Variants in MERTK observed in about 807,000 individuals in gnomAD.
The protein encoded by MERTK is MER proto-oncogene, tyrosine kinase, also known as tyrosine-protein kinase Mer.
Under a neutral mutation model 99.3 loss-of-function variants are expected in MERTK, and 69 were observed. The ratio of observed to expected loss-of-function variants is 0.70; its 90% CI spans 0.57 to 0.85. The LOEUF (loss-of-function observed/expected upper bound fraction) is 0.85. MERTK is among the 40% of genes least tolerant of loss of function. The pLI, the probability that MERTK is intolerant of heterozygous loss-of-function variation, is 0.00. For synonymous variants in MERTK, 426 were observed against 467.6 expected (o/e 0.91, Z 1.15); for missense variants, 1,125 against 1,249.4 (o/e 0.90, Z 1.50).
chr2:112,008,633 A>G, intron 14 of MERTK, 158 bp downstream of exon 14: 2 of 739,630 alleles, frequency 2.7e-6, no homozygotes, highest in Non-Finnish European at 2.5e-6. Flanking sequence ...CTTCATAATG[A>G]TGTTTTCTGA....
At chr2:112,023,378 C>T (rs368314434) in intron 18 of MERTK, among the ~76,000 whole-genome samples, 1 of 152,036 alleles carries the variant, frequency 6.6e-6, no homozygotes, top group South Asian at 2.1e-4. Flanking sequence ...CGTGCCACTG[C>T]ACTCCAGCCT....
In MERTK at chr2:111,947,457, T is replaced by C; in HGVS notation, c.647T>C (p.Leu216Pro). 6.2e-7 allele frequency: 1 copy of C among 1,614,100 alleles called. No individual in the cohort carries two copies. The highest frequency in any genetic ancestry group is 8.5e-7 in the Non-Finnish European group (1 of 1,180,026). Reference protein sequence around the residue: ...MNVTRNTAFNLTCQAVGPPEP... With the variant: ...MNVTRNTAFNPTCQAVGPPEP... ...GTCACCAGAAACACAGCCTTCAACC[T>C]CACCTGTCAGGCTGTGGGCCCGCCT... is the stretch of plus-strand genomic sequence containing the variant. Residue 216 changes from leucine (L) to proline (P), a missense_variant, in exon 4 of 19, where the codon CTC (leucine) becomes CCC (proline). By Grantham distance (98) the Leu-to-Pro change is moderately conservative (BLOSUM62 -3). Coordinates refer to ENST00000295408, the MANE Select transcript of MERTK (RefSeq NM_006343.3).
At chr2:111,956,947 CT>C (rs71385850) in intron 4 of MERTK, among the ~76,000 whole-genome samples, 237 of 137,052 alleles carry the variant, frequency 1.7e-3, no homozygotes, top group Middle Eastern at 7.7e-3. Context: ...TTTCTTTTTT[CT>C]TTTTTTTTTT....
intron 1 of MERTK, among the ~76,000 whole-genome samples, chr2:111,917,308 T>C (rs1240784853): frequency 2.0e-5 from 3 of 152,208 alleles, no homozygotes; most frequent in Admixed American, 2.0e-4. Flanking sequence ...CTTGTAGTAC[T>C]TCTCTATAGC....
At chr2:111,937,195 C>A (rs34067354) in intron 2 of MERTK, among the ~76,000 whole-genome samples, 79,456 of 151,658 alleles carry the variant, frequency 0.52, 20,969 homozygotes, top group Middle Eastern at 0.56. Context: ...CTGTAATCCC[C>A]GCACTTTGGG....
intron 1 of MERTK, chr2:111,913,045 C>G (rs745417858): frequency 1.0e-4 from 101 of 985,140 alleles, no homozygotes; most frequent in Admixed American, 8.0e-4. Context: ...AAAGGCCTGG[C>G]GAAAGGTGAA....
At chr2:111,940,670 A>C in intron 2 of MERTK, 1 of 724,406 alleles carries the variant, frequency 1.4e-6, no homozygotes, top group South Asian at 1.3e-5. Flanking sequence ...TTTACGTCCA[A>C]ATTTATCAAT....
Position 112,001,205 on chromosome 2 carries a change from G to A in MERTK, c.1609G>A (p.Ala537Thr). ...TCTTTGTTTTCATTCACCCAGGAAT[G>A]CATTCACAGAGGAGGATTCTGAATT... is the stretch of plus-strand genomic sequence containing the variant. ...KRVQETKFGN[A>T]FTEEDSELVV... is the part of the protein sequence containing the mutation. Residue 537 changes from alanine to threonine, a missense_variant, in exon 11 of 19, where the codon GCA becomes ACA. Transcript: ENST00000295408. The A allele has an allele frequency of 1.2e-6, 2 of 1,611,120 alleles. No homozygotes were observed. The highest frequency in any genetic ancestry group is 1.1e-5 in the South Asian group (1 of 91,010).
At chr2:111,944,509 A>G in intron 2 of MERTK, among the ~76,000 whole-genome samples, 1 of 152,310 alleles carries the variant, frequency 6.6e-6, no homozygotes, top group African/African-American at 2.4e-5. Flanking sequence ...ATTCCTTAAA[A>G]TAATTCCTCT....
chr2:111,953,267 A>T lies in MERTK; in HGVS notation c.757+5700A>T, dbSNP rs543161987. 5.3e-5 allele frequency among the ~76,000 whole-genome samples: 8 copies of T among 152,376 alleles called. No individual in the cohort carries two copies. In the South Asian group the frequency reaches 1.7e-3, roughly 32 times the overall value. On this transcript the variant is annotated intron_variant, in intron 4 of 18. Transcript: ENST00000295408. The stretch of plus-strand genomic sequence containing the variant: ...TTAGAGTAGTGACAAATGTGTCTGT[A>T]AATGAAGAACTCTTACTTAAACTGC...
intron 6 of MERTK, 36 bp from the exon 7 acceptor site, chr2:111,975,253 A>T (rs753952261): frequency 6.2e-7 from 1 of 1,609,674 alleles, no homozygotes; most frequent in Non-Finnish European, 8.5e-7. Flanking sequence ...CCACCACCTT[A>T]CTAATGCCCG....
Position 111,899,060 on chromosome 2 carries a change from G to A in MERTK, c.61+264G>A, listed in dbSNP as rs1001845451. On this transcript the variant is annotated intron_variant, in intron 1 of 18. Coordinates refer to ENST00000295408, the MANE Select transcript of MERTK (RefSeq NM_006343.3). ...AGCCGGGTCGGGGTCGGCGTTGCAG[G>A]CTCCCCTCTTCACCGCAGAGGAGGA... Among the ~76,000 whole-genome samples, 5 of 152,314 alleles carry A rather than the reference G, an allele frequency of 3.3e-5. No homozygotes were observed. In the East Asian group the frequency reaches 7.7e-4, roughly 24 times the overall value.
In MERTK at chr2:111,999,667, C is replaced by T. The variant is rs111970404; in HGVS notation, c.1605-1534C>T. Among the ~76,000 whole-genome samples, 287 of 152,282 alleles carry T rather than the reference C, an allele frequency of 1.9e-3. 1 individual carries two copies. The highest frequency in any genetic ancestry group is 3.2e-3 in the Non-Finnish European group (220 of 68,016). ...ACAGAGATTTCTCATATGCTCCATA[C>T]CTAGTTTCCCCTATTATTAACAGCT... is the stretch of plus-strand genomic sequence containing the variant. On this transcript the variant is annotated intron_variant, in intron 10 of 18. Transcript: ENST00000295408.
intron 2 of MERTK, among the ~76,000 whole-genome samples, chr2:111,932,216 CTG>C (rs1313584648): frequency 6.6e-6 from 1 of 152,170 alleles, no homozygotes; most frequent in Non-Finnish European, 1.5e-5. Flanking sequence ...GAGTCTTGCT[CTG>C]TCGCCCAGGC....
chr2:111,919,728 A>G (rs868530744), intron 1 of MERTK, among the ~76,000 whole-genome samples: 1 of 150,702 alleles, frequency 6.6e-6, no homozygotes, highest in African/African-American at 2.4e-5. Flanking sequence ...CCCTGCTAAC[A>G]TGTGTGTTCA....
chr2:111,944,957 C>G lies in MERTK; in HGVS notation c.483-3C>G, dbSNP rs1249801478. The G allele has an allele frequency of 1.9e-6, 3 of 1,611,514 alleles. No individual in the cohort carries two copies. Among genetic ancestry groups the G allele is most frequent in the Non-Finnish European group, 2.5e-6 (3 of 1,178,424 alleles). On this transcript the variant is annotated splice_polypyrimidine_tract_variant and splice_region_variant and intron_variant, in intron 2 of 18. Transcript: ENST00000295408. ...AAATATCTTCATGTGTTTTTCTTTGCAGCATAACCAGTGTGCAGCGTTCAG... is the reference window on the plus strand; with the variant it reads ...AAATATCTTCATGTGTTTTTCTTTGGAGCATAACCAGTGTGCAGCGTTCAG...
intron 8 of MERTK, among the ~76,000 whole-genome samples, chr2:111,983,306 T>C (rs1037698538): frequency 1.2e-4 from 18 of 152,160 alleles, no homozygotes; most frequent in South Asian, 4.1e-4. Flanking sequence ...TAGGCTCTTA[T>C]AGGATGACAG....
At chr2:111,977,815 G>A (rs1676284995) in intron 7 of MERTK, among the ~76,000 whole-genome samples, 1 of 151,686 alleles carries the variant, frequency 6.6e-6, no homozygotes, top group East Asian at 1.9e-4. Context: ...ATCTTTTTTG[G>A]TGTAGTATCT....
intron 2 of MERTK, chr2:111,940,857 A>G: frequency 2.4e-6 from 2 of 822,584 alleles, no homozygotes; most frequent in African/African-American, 1.6e-5. Flanking sequence ...GATACTTTTG[A>G]AAGAACTCGG....
Sources: allele counts gnomAD v4.1 joint callset (sites outside exome capture counted in the v4.1 genomes callset), GRCh38; gene constraint gnomAD v4.1.1; transcripts MANE v1.5; gene names NCBI Gene and HGNC (gene_info 2026-07-23, HGNC 2026-07-21).